Variants in RNF38 observed in about 807,000 individuals in gnomAD.
RNF38 encodes ring finger protein 38.
A neutral mutation model predicts 67.2 loss-of-function variants in RNF38; 15 were observed. The ratio of observed to expected loss-of-function variants is 0.22; its 90% CI spans 0.15 to 0.34. RNF38 has a LOEUF of 0.34. Among genes scored for constraint, RNF38 ranks in the 10% least tolerant of loss-of-function variants. The pLI is 1.00. For synonymous variants in RNF38, 220 were observed against 218.8 expected (o/e 1.01, Z -0.05); for missense variants, 524 against 639.9 (o/e 0.82, Z 1.95).
At chr9:36,350,169 G>A (rs1210072070) in intron 9 of RNF38, among the ~76,000 whole-genome samples, 3 of 152,130 alleles carry the variant, frequency 2.0e-5, no homozygotes, top group Non-Finnish European at 2.9e-5. Context: ...GTTTTCTTGG[G>A]TGCCTTGTCA....
At chr9:36,451,903 G>A (rs1205585578) in intron 1 of RNF38, among the ~76,000 whole-genome samples, 1 of 151,890 alleles carries the variant, frequency 6.6e-6, no homozygotes, top group Non-Finnish European at 1.5e-5. Flanking sequence ...ATCCTAATTC[G>A]AGCAAACTTT....
At chr9:36,347,428 T>A (rs1244960314) in intron 9 of RNF38, among the ~76,000 whole-genome samples, 1 of 152,196 alleles carries the variant, frequency 6.6e-6, no homozygotes, top group African/African-American at 2.4e-5. Flanking sequence ...ATTAATTCAA[T>A]TTTTCCAACA....
upstream of RNF38, among the ~76,000 whole-genome samples, chr9:36,405,852 A>T (rs73648753): frequency 3.8e-3 from 573 of 152,350 alleles, 3 homozygotes; most frequent in African/African-American, 0.013. Flanking sequence ...AACACACTAA[A>T]CAATAATCAT....
intron 1 of RNF38, among the ~76,000 whole-genome samples, chr9:36,442,664 A>G (rs1839218838): frequency 6.6e-6 from 1 of 152,168 alleles, no homozygotes; most frequent in Non-Finnish European, 1.5e-5. Context: ...CTATAGTCCC[A>G]GCTACTCGGG....
intron 1 of RNF38, among the ~76,000 whole-genome samples, chr9:36,483,152 C>A (rs1054742032): frequency 6.6e-6 from 1 of 152,042 alleles, no homozygotes. Context: ...TTTGGAAGGC[C>A]GAGGCAGGCT....
At chr9:36,478,155 C>T (rs1431835500) in intron 1 of RNF38, among the ~76,000 whole-genome samples, 1 of 152,002 alleles carries the variant, frequency 6.6e-6, no homozygotes. Flanking sequence ...GTGTTTATTA[C>T]CAGGCGTGGT....
intron 1 of RNF38, among the ~76,000 whole-genome samples, chr9:36,460,978 C>G (rs1839719698): frequency 6.6e-6 from 1 of 151,524 alleles, no homozygotes; most frequent in Admixed American, 6.6e-5. Context: ...TTTGGGAGGC[C>G]AAAGCAGGTG....
chr9:36,370,302 T>A (rs1835279616), intron 3 of RNF38, among the ~76,000 whole-genome samples: 1 of 152,206 alleles, frequency 6.6e-6, no homozygotes, highest in African/African-American at 2.4e-5. Context: ...CGAACTTTAA[T>A]CTGTAGATAC....
At chr9:36,477,581 G>T (rs1261139645) in intron 1 of RNF38, among the ~76,000 whole-genome samples, 1 of 151,902 alleles carries the variant, frequency 6.6e-6, no homozygotes, top group African/African-American at 2.4e-5. Flanking sequence ...CAACACTTTG[G>T]GAGGCTGAGG....
chr9:36,436,462 C>A (rs1426624436), intron 1 of RNF38, among the ~76,000 whole-genome samples: 1 of 152,162 alleles, frequency 6.6e-6, no homozygotes, highest in Non-Finnish European at 1.5e-5. Flanking sequence ...ATATTAGATT[C>A]ATTTATACCA....
chr9:36,470,161 G>A (rs1188297612), intron 1 of RNF38, among the ~76,000 whole-genome samples: 1 of 152,126 alleles, frequency 6.6e-6, no homozygotes, highest in Non-Finnish European at 1.5e-5. Context: ...ACCCAGTGAG[G>A]TGAATCAAAA....
At chr9:36,400,461 T>C (rs1460684166), upstream of RNF38, 5 of 1,037,890 alleles carry the variant, frequency 4.8e-6, no homozygotes, top group East Asian at 1.7e-4. Context: ...AGGCAAACCT[T>C]AGCCCAAGAC....
At chr9:36,345,921 T>C (rs1833191906) in intron 9 of RNF38, among the ~76,000 whole-genome samples, 1 of 152,304 alleles carries the variant, frequency 6.6e-6, no homozygotes, top group Non-Finnish European at 1.5e-5. Context: ...CCCCTTGTCC[T>C]ATAAATAGGG....
chr9:36,476,682 C>G (rs1376853536), intron 1 of RNF38, among the ~76,000 whole-genome samples: 2 of 151,832 alleles, frequency 1.3e-5, no homozygotes, highest in Non-Finnish European at 2.9e-5. Context: ...CACCACCATG[C>G]CCGGCTAACT....
In RNF38 at chr9:36,391,646, G is replaced by A. The variant is rs536846972; in HGVS notation, c.13-1030C>T. On this transcript the variant is annotated intron_variant, in intron 1 of 11. Transcript: ENST00000259605. Reference sequence around the variant, plus strand: ...TTTTTTTTTTTTGAGATGGAGTCTCGCTGTCGCCCAGGCTGGAGTGCAGTG... The same window carrying A: ...TTTTTTTTTTTTGAGATGGAGTCTCACTGTCGCCCAGGCTGGAGTGCAGTG... 2.4e-4 allele frequency among the ~76,000 whole-genome samples: 32 copies of A among 135,982 alleles called. No individual in the cohort carries two copies. In the South Asian group the frequency reaches 6.9e-3, roughly 29 times the overall value. 89.2% of individuals were successfully genotyped at this position (135,982 alleles called of 152,430 possible).
chr9:36,409,606 C>G (rs868425790), intron 2 of RNF38, among the ~76,000 whole-genome samples: 1 of 152,220 alleles, frequency 6.6e-6, no homozygotes, highest in Non-Finnish European at 1.5e-5. Flanking sequence ...CAGTCAATAA[C>G]TTGCTCTAGA....
In RNF38 at chr9:36,408,139, C is replaced by A. The variant is rs535502751; in HGVS notation, n.312+16474G>T. 4.0e-3 allele frequency among the ~76,000 whole-genome samples: 603 copies of A among 152,230 alleles called. 3 individuals are homozygous for A. The highest frequency in any genetic ancestry group is 0.012 in the African/African-American group (515 of 41,522). On this transcript the variant is annotated intron_variant and non_coding_transcript_variant, in intron 2 of 3. Transcript: ENST00000488058. ...TTTTTTAATTTTTTGAAACCTGTCACCCAGGTTGAGGTGCAGTGTCATGAT... is the reference window on the plus strand; with the variant it reads ...TTTTTTAATTTTTTGAAACCTGTCAACCAGGTTGAGGTGCAGTGTCATGAT...
intron 2 of RNF38, among the ~76,000 whole-genome samples, chr9:36,381,577 T>A (rs905784390): frequency 2.0e-5 from 3 of 152,194 alleles, no homozygotes; most frequent in African/African-American, 7.2e-5. Flanking sequence ...TCTAACCCAG[T>A]GTATTGGTTA....
intron 1 of RNF38, among the ~76,000 whole-genome samples, chr9:36,464,429 G>C (rs1289798319): frequency 6.6e-6 from 1 of 152,046 alleles, no homozygotes; most frequent in Non-Finnish European, 1.5e-5. Context: ...AAATTAGCCA[G>C]GTGTGGTGGC....
Sources: allele counts gnomAD v4.1 joint callset (sites outside exome capture counted in the v4.1 genomes callset), GRCh38; gene constraint gnomAD v4.1.1; transcripts MANE v1.5; gene names NCBI Gene and HGNC (gene_info 2026-07-23, HGNC 2026-07-21).